ALK: variants seen among roughly 807,000 people sequenced by gnomAD.
ALK encodes the protein ALK receptor tyrosine kinase, also known as ALK tyrosine kinase receptor.
ALK carries 74 observed loss-of-function variants against 163.1 expected under a neutral mutation model. That is an observed-to-expected ratio of 0.45 (90% CI 0.38 to 0.55). The LOEUF is 0.55. Among genes scored for constraint, ALK ranks in the 20% least tolerant of loss-of-function variants. The pLI, the probability that ALK is intolerant of heterozygous loss-of-function variation, is 0.00. For missense variants in ALK, 2,063 were observed against 2,105.3 expected, an observed-to-expected ratio of 0.98 and a Z score of 0.39; for synonymous variants, 960 against 843.2, an observed-to-expected ratio of 1.14 and a Z score of -2.40.
chr2:29,686,921 G>A (rs1224060164), intron 3 of ALK, among the ~76,000 whole-genome samples: 2 of 152,152 alleles, frequency 1.3e-5, no homozygotes, highest in Middle Eastern at 3.2e-3. Flanking sequence ...ACTTGTTGAT[G>A]TGATTGCTCA....
At chr2:29,798,433 T>C (rs561952632) in intron 1 of ALK, among the ~76,000 whole-genome samples, 2 of 152,280 alleles carry the variant, frequency 1.3e-5, no homozygotes, top group Non-Finnish European at 2.9e-5. Flanking sequence ...ATTGCTGGAA[T>C]GTGAGTTGTT....
intron 1 of ALK, among the ~76,000 whole-genome samples, chr2:29,915,613 A>G (rs1667815290): frequency 6.6e-6 from 1 of 152,220 alleles, no homozygotes; most frequent in Non-Finnish European, 1.5e-5. Context: ...AATTTTTGAA[A>G]TGTTAAATTG....
At chr2:29,288,808 C>T (rs1476436848) in intron 9 of ALK, among the ~76,000 whole-genome samples, 1 of 151,512 alleles carries the variant, frequency 6.6e-6, no homozygotes, top group African/African-American at 2.4e-5. Context: ...AAAAATTAGC[C>T]AGGCGTGGTG....
At chr2:29,605,956 C>G (rs1441905363) in intron 3 of ALK, among the ~76,000 whole-genome samples, 1 of 76,154 alleles carries the variant, frequency 1.3e-5, no homozygotes, top group Non-Finnish European at 2.5e-5. Flanking sequence ...TTGGTTCCAT[C>G]CCTTGGGTCC....
chr2:29,843,735 T>C (rs570142759), intron 1 of ALK, among the ~76,000 whole-genome samples: 50 of 152,308 alleles, frequency 3.3e-4, no homozygotes, highest in Middle Eastern at 6.8e-3. Flanking sequence ...TTGTCACTTT[T>C]CAAAACCAGA....
chr2:29,577,861 T>C (rs1674569552), intron 3 of ALK, among the ~76,000 whole-genome samples: 1 of 152,246 alleles, frequency 6.6e-6, no homozygotes, highest in Non-Finnish European at 1.5e-5. Context: ...CCAAGACCTG[T>C]CTTTTTGCAG....
intron 1 of ALK, among the ~76,000 whole-genome samples, chr2:29,761,635 T>C (rs1025264816): frequency 6.6e-6 from 1 of 152,254 alleles, no homozygotes; most frequent in Admixed American, 6.5e-5. Context: ...TTCTGCTGTC[T>C]GCTGGGAACT....
intron 1 of ALK, among the ~76,000 whole-genome samples, chr2:29,842,482 C>T (rs144745061): frequency 3.9e-5 from 6 of 152,324 alleles, no homozygotes; most frequent in Non-Finnish European, 7.3e-5. Context: ...TTCTTCTTCC[C>T]ACTTGACAAT....
At chr2:29,479,140 G>A (rs1671597641) in intron 4 of ALK, among the ~76,000 whole-genome samples, 1 of 152,176 alleles carries the variant, frequency 6.6e-6, no homozygotes, top group Admixed American at 6.5e-5. Flanking sequence ...TCTAGAGCCT[G>A]GGAGCACTCA....
intron 3 of ALK, among the ~76,000 whole-genome samples, 192 bp from the exon 4 acceptor site, chr2:29,532,308 T>C (rs556132667): frequency 7.2e-5 from 11 of 152,208 alleles, no homozygotes; most frequent in Non-Finnish European, 1.3e-4. Flanking sequence ...CTGATGCAGG[T>C]GGACAGTGGC....
At chr2:29,572,522 C>G (rs1286891594) in intron 3 of ALK, among the ~76,000 whole-genome samples, 1 of 152,158 alleles carries the variant, frequency 6.6e-6, no homozygotes, top group Non-Finnish European at 1.5e-5. Context: ...GTATGCCCCC[C>G]TGACCTTGTG....
intron 20 of ALK, 118 bp from the exon 21 acceptor site, chr2:29,222,725 A>T: frequency 2.4e-6 from 2 of 822,032 alleles, no homozygotes; most frequent in Non-Finnish European, 4.0e-6. Flanking sequence ...CGGGGGTAAC[A>T]TACACACTCA....
chr2:29,229,205 C>G (rs1558627725), intron 15 of ALK, 139 bp from the exon 16 acceptor site: 3 of 767,002 alleles, frequency 3.9e-6, no homozygotes. Flanking sequence ...TCAGTGGGGC[C>G]TGGGGGCTTC....
chr2:29,914,159 A>G (rs2148439316), intron 1 of ALK, among the ~76,000 whole-genome samples: 1 of 152,348 alleles, frequency 6.6e-6, no homozygotes, highest in Non-Finnish European at 1.5e-5. Flanking sequence ...ACGAGAGGAC[A>G]TTAATTCATG....
chr2:29,763,788 A>T (rs894226117), intron 1 of ALK, among the ~76,000 whole-genome samples: 1 of 152,090 alleles, frequency 6.6e-6, no homozygotes, highest in Non-Finnish European at 1.5e-5. Context: ...CATGTCCCCT[A>T]ACCCTAGGGC....
At chr2:29,208,936 T>G (rs1444945815) in intron 25 of ALK, among the ~76,000 whole-genome samples, 1 of 151,778 alleles carries the variant, frequency 6.6e-6, no homozygotes, top group Non-Finnish European at 1.5e-5. Context: ...ATTTTTAAAA[T>G]GTAGTCTTGA....
intron 3 of ALK, among the ~76,000 whole-genome samples, chr2:29,567,020 C>T (rs1407674564): frequency 2.0e-5 from 3 of 152,120 alleles, no homozygotes; most frequent in South Asian, 4.1e-4. Context: ...TCTTAATTTT[C>T]TACAATGAAT....
intron 3 of ALK, among the ~76,000 whole-genome samples, chr2:29,676,763 A>G (rs959289061): frequency 7.9e-5 from 12 of 152,084 alleles, no homozygotes; most frequent in South Asian, 2.1e-4. Context: ...GATATTTTCA[A>G]TTCCAAAATG....
chr2:29,797,137 T>A (rs1664338381), intron 1 of ALK, among the ~76,000 whole-genome samples: 1 of 151,990 alleles, frequency 6.6e-6, no homozygotes, highest in Admixed American at 6.6e-5. Flanking sequence ...CTAGCAACCT[T>A]TCTTTAGATT....
Sources: gnomAD v4.1 joint callset for allele counts (sites outside exome capture counted in the v4.1 genomes callset) on GRCh38, gnomAD v4.1.1 for gene constraint, MANE v1.5 for transcripts, NCBI Gene and HGNC (gene_info 2026-07-23, HGNC 2026-07-21) for gene names.